The following TENM1 variants were observed in gnomAD, a reference collection of about 807,000 sequenced individuals.
The protein encoded by TENM1 is teneurin-1.
In TENM1, 35 loss-of-function variants were observed where a neutral mutation model predicts 174.8. The observed-to-expected ratio is 0.20, with a 90% CI of 0.15 to 0.27. TENM1 has a LOEUF of 0.27. TENM1 is among the 10% of genes least tolerant of loss of function. The pLI, the probability that TENM1 is intolerant of heterozygous loss-of-function variation, is 1.00. For synonymous variants in TENM1, 781 were observed against 798.7 expected, an observed-to-expected ratio of 0.98 and a Z score of 0.37; for missense variants, 1,633 against 2,130.1, an observed-to-expected ratio of 0.77 and a Z score of 4.59.
chrX:125,059,630 C>T, the TENM1 span, among the ~76,000 whole-genome samples: 4 of 111,302 alleles, frequency 3.6e-5, no homozygotes, highest in African/African-American at 1.3e-4. Context: ...CTCTGCTAAC[C>T]ACTGTTTTTT....
chrX:125,135,127 G>C, the TENM1 span, among the ~76,000 whole-genome samples: 4 of 109,885 alleles, frequency 3.6e-5, no homozygotes, highest in African/African-American at 1.3e-4. Context: ...GAAAAAAATG[G>C]CCTTGGGTGT....
chrX:124,401,924 T>A, intron 27 of TENM1, among the ~76,000 whole-genome samples: 1 of 112,035 alleles, frequency 8.9e-6, no homozygotes. Flanking sequence ...AGTCGATTAT[T>A]TGTCCCTTTT....
intron 23 of TENM1, among the ~76,000 whole-genome samples, chrX:124,451,289 A>G (rs955795826): frequency 9.0e-6 from 1 of 110,988 alleles, no homozygotes; most frequent in Admixed American, 9.6e-5. Flanking sequence ...CTAAAAAAAA[A>G]ACCAAAAAAA....
chrX:125,034,548 T>G, the TENM1 span, among the ~76,000 whole-genome samples: 3 of 111,659 alleles, frequency 2.7e-5, no homozygotes, highest in Non-Finnish European at 5.7e-5. Context: ...ACAAGAAAGA[T>G]CCTGTTACAT....
chrX:124,721,046 G>T (rs748082593), intron 4 of TENM1, among the ~76,000 whole-genome samples: 43 of 112,243 alleles, frequency 3.8e-4, no homozygotes, highest in African/African-American at 1.2e-3. Context: ...TGTAAAGCCA[G>T]AAAGGACCTC....
intron 4 of TENM1, among the ~76,000 whole-genome samples, chrX:124,708,150 T>C (rs553262548): frequency 8.9e-6 from 1 of 112,590 alleles, no homozygotes; most frequent in African/African-American, 3.2e-5. Context: ...CATCACCTTG[T>C]ACATGTAATG....
At chrX:124,712,657 T>C (rs2053086023) in intron 4 of TENM1, among the ~76,000 whole-genome samples, 2 of 110,633 alleles carry the variant, frequency 1.8e-5, no homozygotes, top group Admixed American at 9.6e-5. Flanking sequence ...AATTTTTGTA[T>C]TTTTAGTAGA....
At chrX:124,543,743 A>G (rs936718245) in intron 15 of TENM1, among the ~76,000 whole-genome samples, 2 of 112,134 alleles carry the variant, frequency 1.8e-5, no homozygotes, top group African/African-American at 6.5e-5. Flanking sequence ...AATTGCATTT[A>G]GGAAAAAAAT....
At chrX:124,888,119 C>T (rs1290301510) in intron 3 of TENM1, among the ~76,000 whole-genome samples, 1 of 111,438 alleles carries the variant, frequency 9.0e-6, no homozygotes, top group Non-Finnish European at 1.9e-5. Context: ...ACAACTCCAG[C>T]GGTTTCCTTG....
intron 22 of TENM1, among the ~76,000 whole-genome samples, chrX:124,454,039 A>G (rs886759283): frequency 8.9e-6 from 1 of 111,821 alleles, no homozygotes; most frequent in Non-Finnish European, 1.9e-5. Context: ...AAATTATAGT[A>G]TCACAAAGGG....
intron 3 of TENM1, among the ~76,000 whole-genome samples, chrX:124,810,502 A>G (rs2055739522): frequency 9.0e-6 from 1 of 111,417 alleles, no homozygotes; most frequent in Admixed American, 9.5e-5. Flanking sequence ...AAGGAGGTGA[A>G]AGATCTCCAC....
chrX:125,185,129 T>C, the TENM1 span, among the ~76,000 whole-genome samples: 1 of 112,130 alleles, frequency 8.9e-6, no homozygotes, highest in African/African-American at 3.2e-5. Context: ...ATGAATGCAA[T>C]ACCTGTGTAA....
intron 11 of TENM1, among the ~76,000 whole-genome samples, chrX:124,631,887 T>TGTATG (rs1156671835): frequency 1.7e-5 from 1 of 58,810 alleles, no homozygotes; most frequent in Non-Finnish European, 2.9e-5. Context: ...AGACTCTGTC[T>TGTATG]CAAAAAAAAA....
chrX:124,883,227 T>A (rs1211718955), intron 3 of TENM1, among the ~76,000 whole-genome samples: 3 of 111,747 alleles, frequency 2.7e-5, no homozygotes, highest in Non-Finnish European at 5.6e-5. Context: ...GAGGACTTTT[T>A]CCTGAACACA....
At chrX:124,469,356 C>A (rs1418701471) in intron 22 of TENM1, among the ~76,000 whole-genome samples, 1 of 112,026 alleles carries the variant, frequency 8.9e-6, no homozygotes, top group Admixed American at 9.5e-5. Flanking sequence ...TTTAACCCAT[C>A]TTGCGTCATT....
At chrX:124,531,157 A>C (rs2048098766) in intron 15 of TENM1, among the ~76,000 whole-genome samples, 1 of 91,158 alleles carries the variant, frequency 1.1e-5, no homozygotes, top group Non-Finnish European at 2.1e-5. Context: ...TTTTTAACCA[A>C]GTGGGATTCT....
intron 22 of TENM1, among the ~76,000 whole-genome samples, chrX:124,467,876 A>C (rs1271054949): frequency 5.5e-5 from 6 of 109,956 alleles, no homozygotes; most frequent in Non-Finnish European, 1.1e-4. Context: ...CTTCCGCCTC[A>C]GCCTCCCGAG....
At chrX:124,898,262 C>T (rs1295729429) in intron 1 of TENM1, among the ~76,000 whole-genome samples, 1 of 111,228 alleles carries the variant, frequency 9.0e-6, no homozygotes, top group East Asian at 2.8e-4. Context: ...GAGACCCATG[C>T]TGTTGGTCCA....
intron 1 of TENM1, among the ~76,000 whole-genome samples, chrX:124,946,875 G>A (rs1381719381): frequency 9.9e-6 from 1 of 100,623 alleles, no homozygotes; most frequent in Non-Finnish European, 2.0e-5. Flanking sequence ...GAAGGAAGGA[G>A]AAAACAATAG....
Sources: gnomAD v4.1 joint callset for allele counts (sites outside exome capture counted in the v4.1 genomes callset) on GRCh38, gnomAD v4.1.1 for gene constraint, MANE v1.5 for transcripts, NCBI Gene and HGNC (gene_info 2026-07-23, HGNC 2026-07-21) for gene names.